OXR1: variants seen among roughly 807,000 people sequenced by gnomAD.
OXR1 encodes the protein oxidation resistance protein 1.
In OXR1, 41 loss-of-function variants were observed where a neutral mutation model predicts 104.6. That is an observed-to-expected ratio of 0.39 (90% CI 0.31 to 0.51). OXR1 has a LOEUF of 0.51. Among genes scored for constraint, OXR1 ranks in the 20% least tolerant of loss-of-function variants. The probability of loss-of-function intolerance (pLI) is 0.77; values close to 1 mark genes in which losing one functional copy is unlikely to be tolerated. For synonymous variants in OXR1, 348 were observed against 348.4 expected (o/e 1.00, Z 0.01); for missense variants, 955 against 1,031.9 (o/e 0.93, Z 1.02).
At chr8:106,535,370 G>A (rs767938462) in intron 3 of OXR1, among the ~76,000 whole-genome samples, 1 of 152,104 alleles carries the variant, frequency 6.6e-6, no homozygotes, top group African/African-American at 2.4e-5. Context: ...AGAGGAGCTG[G>A]ACAGCTGCCC....
At chr8:106,275,364 T>C (rs940967279) in intron 1 of OXR1, among the ~76,000 whole-genome samples, 1 of 152,202 alleles carries the variant, frequency 6.6e-6, no homozygotes, top group East Asian at 1.9e-4. Flanking sequence ...GTGTGCCCTT[T>C]TGCACTTCTG....
chr8:106,720,559 C>T (rs1046836591), intron 11 of OXR1: 1 of 176,768 alleles, frequency 5.7e-6, no homozygotes, highest in Non-Finnish European at 1.1e-5. Flanking sequence ...ATTTGGTTCA[C>T]TATGGAAAAA....
chr8:106,321,871 C>CCCT (rs1814233539), intron 1 of OXR1, among the ~76,000 whole-genome samples: 1 of 152,006 alleles, frequency 6.6e-6, no homozygotes, highest in African/African-American at 2.4e-5. Flanking sequence ...GCTGAGGAGG[C>CCCT]CCTAGTTTAC....
intron 3 of OXR1, among the ~76,000 whole-genome samples, chr8:106,534,898 CATT>C (rs1412602387): frequency 6.6e-6 from 1 of 152,190 alleles, no homozygotes; most frequent in African/African-American, 2.4e-5. Flanking sequence ...TGGGAAAATA[CATT>C]ATTGATAAGT....
At chr8:106,694,908 T>C (rs1453945475) in intron 7 of OXR1, among the ~76,000 whole-genome samples, 1 of 76,732 alleles carries the variant, frequency 1.3e-5, no homozygotes, top group Non-Finnish European at 2.6e-5. Context: ...TATTTATCTA[T>C]TTACATATTT....
At chr8:106,526,569 G>A (rs1335819731) in intron 3 of OXR1, among the ~76,000 whole-genome samples, 1 of 152,226 alleles carries the variant, frequency 6.6e-6, no homozygotes, top group Non-Finnish European at 1.5e-5. Context: ...TTGAGACGGA[G>A]TCTCGCTCTG....
chr8:106,697,734 G>T, intron 7 of OXR1: 1 of 1,614,038 alleles, frequency 6.2e-7, no homozygotes, highest in Non-Finnish European at 8.5e-7. Flanking sequence ...GGAACTGAGA[G>T]ATCTTCTCCA....
At chr8:106,458,835 A>G (rs1220196443) in intron 2 of OXR1, among the ~76,000 whole-genome samples, 1 of 152,184 alleles carries the variant, frequency 6.6e-6, no homozygotes, top group Non-Finnish European at 1.5e-5. Context: ...CTTCTTGCTT[A>G]GTCCTCCCTT....
intron 2 of OXR1, among the ~76,000 whole-genome samples, chr8:106,485,454 G>C (rs1005098967): frequency 6.6e-6 from 1 of 152,066 alleles, no homozygotes. Context: ...ACCTAGAGCA[G>C]AGCACTCAAT....
chr8:106,744,021 A>G (rs1232993775), intron 15 of OXR1, among the ~76,000 whole-genome samples: 8 of 152,220 alleles, frequency 5.3e-5, no homozygotes, highest in South Asian at 4.1e-4. Flanking sequence ...CAGGGGAACA[A>G]CACAGACCTT....
intron 2 of OXR1, among the ~76,000 whole-genome samples, chr8:106,508,086 G>A (rs1178354958): frequency 6.6e-6 from 1 of 152,098 alleles, no homozygotes; most frequent in Non-Finnish European, 1.5e-5. Context: ...CTTGGGGTGG[G>A]GTCCTTGCCC....
intron 2 of OXR1, among the ~76,000 whole-genome samples, chr8:106,457,365 A>G (rs1006419057): frequency 1.3e-5 from 2 of 151,922 alleles, no homozygotes; most frequent in African/African-American, 4.9e-5. Context: ...GCACCTTGAT[A>G]TTGGACTTTC....
intron 3 of OXR1, among the ~76,000 whole-genome samples, chr8:106,579,669 T>G (rs1393829293): frequency 6.6e-6 from 1 of 151,918 alleles, no homozygotes; most frequent in Non-Finnish European, 1.5e-5. Flanking sequence ...AAAGGTTACA[T>G]AACTTGTCCA....
chr8:106,658,204 C>T, intron 3 of OXR1: 1 of 1,234,932 alleles, frequency 8.1e-7, no homozygotes, highest in Non-Finnish European at 1.0e-6. Flanking sequence ...ACCTTTCTTT[C>T]GCCTCCCGCG....
intron 3 of OXR1, among the ~76,000 whole-genome samples, chr8:106,660,218 A>G (rs1454098701): frequency 6.6e-6 from 1 of 152,206 alleles, no homozygotes; most frequent in Non-Finnish European, 1.5e-5. Context: ...CAAGTGAAAA[A>G]TAAATGATTC....
chr8:106,524,107 G>C (rs1813471400), intron 3 of OXR1, among the ~76,000 whole-genome samples: 1 of 152,062 alleles, frequency 6.6e-6, no homozygotes, highest in Non-Finnish European at 1.5e-5. Flanking sequence ...TCCAATTATT[G>C]TTTGTGTTAC....
chr8:106,367,144 C>A (rs978953586), intron 2 of OXR1, among the ~76,000 whole-genome samples: 2 of 151,422 alleles, frequency 1.3e-5, no homozygotes, highest in Non-Finnish European at 2.9e-5. Flanking sequence ...CTCACTGCAT[C>A]CTCGCCTCCC....
intron 2 of OXR1, among the ~76,000 whole-genome samples, chr8:106,404,934 T>C (rs1467110235): frequency 2.6e-5 from 4 of 152,018 alleles, no homozygotes; most frequent in Admixed American, 2.0e-4. Flanking sequence ...CTCGATCACC[T>C]GACCTAGGGA....
At chr8:106,496,313 T>C (rs893834117) in intron 2 of OXR1, among the ~76,000 whole-genome samples, 2 of 152,084 alleles carry the variant, frequency 1.3e-5, no homozygotes, top group Non-Finnish European at 2.9e-5. Flanking sequence ...TTTCATAAGC[T>C]CTCCAGGTGA....
Sources: allele counts gnomAD v4.1 joint callset (sites outside exome capture counted in the v4.1 genomes callset), GRCh38; gene constraint gnomAD v4.1.1; transcripts MANE v1.5; gene names NCBI Gene and HGNC (gene_info 2026-07-23, HGNC 2026-07-21).